RASEF: variants seen among roughly 807,000 people sequenced by gnomAD.
The protein encoded by RASEF is RAS and EF-hand domain containing.
Under a neutral mutation model 90.1 loss-of-function variants are expected in RASEF, and 68 were observed. The ratio of observed to expected loss-of-function variants is 0.75; its 90% CI spans 0.62 to 0.92. The LOEUF (loss-of-function observed/expected upper bound fraction) is 0.92, where lower values mean the gene tolerates loss of function less well. Among genes scored for constraint, RASEF ranks in the 40% least tolerant of loss-of-function variants. The probability of loss-of-function intolerance (pLI) is 0.00; values close to 1 mark genes in which losing one functional copy is unlikely to be tolerated. For synonymous variants in RASEF, 331 were observed against 345.2 expected (o/e 0.96, Z 0.46); for missense variants, 949 against 937.2 (o/e 1.01, Z -0.16).
the RASEF span, among the ~76,000 whole-genome samples, chr9:83,099,246 TA>T: frequency 6.6e-6 from 1 of 152,228 alleles, no homozygotes; most frequent in Non-Finnish European, 1.5e-5. Flanking sequence ...AGCCCACTTT[TA>T]AAACCTTAAA....
the RASEF span, among the ~76,000 whole-genome samples, chr9:83,155,600 T>C: frequency 6.6e-6 from 1 of 151,838 alleles, no homozygotes; most frequent in Non-Finnish European, 1.5e-5. Context: ...CAGTTCAAGA[T>C]GAGATTTGGG....
chr9:83,032,128 T>C (rs1308017506), intron 1 of RASEF, among the ~76,000 whole-genome samples: 4 of 152,172 alleles, frequency 2.6e-5, no homozygotes, highest in Non-Finnish European at 5.9e-5. Context: ...GCACCATTAC[T>C]TGGTGCCAAG....
chr9:83,081,201 G>A, the RASEF span, among the ~76,000 whole-genome samples: 2 of 151,958 alleles, frequency 1.3e-5, no homozygotes, highest in African/African-American at 4.8e-5. Flanking sequence ...CCTGGACCAG[G>A]GACTCTGCCT....
the RASEF span, among the ~76,000 whole-genome samples, chr9:83,100,599 CT>C: frequency 5.3e-5 from 8 of 152,166 alleles, no homozygotes; most frequent in Non-Finnish European, 1.0e-4. Flanking sequence ...AGTATACCCC[CT>C]CTCCTTCCAT....
At chr9:82,986,652 T>C (rs1044614729) in intron 16 of RASEF, among the ~76,000 whole-genome samples, 1 of 152,230 alleles carries the variant, frequency 6.6e-6, no homozygotes, top group East Asian at 1.9e-4. Context: ...AAATCTACCA[T>C]ACGCTTAACA....
At chr9:83,103,875 C>T in the RASEF span, among the ~76,000 whole-genome samples, 2 of 152,190 alleles carry the variant, frequency 1.3e-5, no homozygotes, top group East Asian at 3.9e-4. Flanking sequence ...CAATAGAATT[C>T]CTAATGGTAA....
At chr9:83,137,338 T>A in the RASEF span, among the ~76,000 whole-genome samples, 1 of 152,278 alleles carries the variant, frequency 6.6e-6, no homozygotes, top group South Asian at 2.1e-4. Context: ...ACATAGTCAC[T>A]GGGTGCAAAA....
intron 1 of RASEF, among the ~76,000 whole-genome samples, chr9:83,047,656 AT>A (rs896028624): frequency 6.6e-6 from 1 of 152,212 alleles, no homozygotes; most frequent in African/African-American, 2.4e-5. Context: ...AGTAGAAAAT[AT>A]TATACAACAA....
the RASEF span, among the ~76,000 whole-genome samples, chr9:83,092,494 C>A: frequency 6.6e-6 from 1 of 151,410 alleles, no homozygotes; most frequent in Non-Finnish European, 1.5e-5. Flanking sequence ...CTTAGGGCGG[C>A]GCGTCTGGAG....
chr9:83,194,304 A>G, the RASEF span, among the ~76,000 whole-genome samples: 1 of 152,092 alleles, frequency 6.6e-6, no homozygotes, highest in South Asian at 2.1e-4. Flanking sequence ...CATGACCTTG[A>G]CACTTTGAGG....
In RASEF at chr9:82,989,222, A is replaced by ATGTG. The variant is rs34304913; in HGVS notation, c.2117+1165_2117+1168dup. Among the ~76,000 whole-genome samples the ATGTG allele has an allele frequency of 5.9e-3, 892 of 151,490 alleles. 5 individuals carry two copies. Among genetic ancestry groups the ATGTG allele is most frequent in the African/African-American group, 0.016 (656 of 41,380 alleles). On this transcript the variant is annotated intron_variant, in intron 16 of 16. Coordinates refer to ENST00000376447, the MANE Select transcript of RASEF (RefSeq NM_152573.4). The stretch of plus-strand genomic sequence containing the variant: ...TGTATATATGTATATGTATGTGTGC[A>ATGTG]TGTGTGCGTGTGTGTGTGTGTGTAT...
At chr9:83,068,716 T>C in the RASEF span, among the ~76,000 whole-genome samples, 1 of 152,314 alleles carries the variant, frequency 6.6e-6, no homozygotes, top group South Asian at 2.1e-4. Flanking sequence ...ACTGAGATGA[T>C]AAATGAGTGG....
In RASEF at chr9:83,062,854, C is replaced by G; in HGVS notation, c.14G>C (p.Gly5Ala). 2.0e-6 allele frequency: 3 copies of G among 1,514,780 alleles called. No individual in the cohort carries two copies. The highest frequency in any genetic ancestry group is 2.9e-5 in the African/African-American group (2 of 69,594). The allele number at this position is 1,514,780 out of a possible 1,614,324, so 93.8% of individuals were successfully genotyped here. A position where few individuals can be genotyped will look rare whatever the true frequency, so the allele number is the denominator to read the frequency against. Reference protein sequence around the residue: MEADGDGEELARLRS... With the variant: MEADADGEELARLRS... ...CAGCCGGGCCAGCTCCTCTCCGTCC[C>G]CATCCGCCTCCATCCCGCCTGGCGG... Residue 5 changes from glycine (G) to alanine (A), a missense_variant, in exon 1 of 17, where the codon GGG (glycine) becomes GCG (alanine). Gly to Ala is a moderately conservative substitution (Grantham distance 60). This residue lies in a region of RASEF where 656 missense variants were observed against 592.2 expected (regional missense o/e 1.11). Coordinates refer to ENST00000376447, the MANE Select transcript of RASEF (RefSeq NM_152573.4).
At chr9:83,188,831 A>G in the RASEF span, among the ~76,000 whole-genome samples, 248 of 152,268 alleles carry the variant, frequency 1.6e-3, 1 homozygote, top group Non-Finnish European at 7.1e-4. Context: ...ACTCTGTGCC[A>G]TCTTATTGGT....
chr9:83,036,322 T>C (rs892153890), intron 1 of RASEF, among the ~76,000 whole-genome samples: 1 of 152,154 alleles, frequency 6.6e-6, no homozygotes, highest in African/African-American at 2.4e-5. Context: ...AGTCAGCCAG[T>C]TGTGCTCCTA....
intron 2 of RASEF, 141 bp from the exon 3 acceptor site, chr9:83,022,567 C>T (rs1829463809): frequency 1.6e-6 from 1 of 644,626 alleles, no homozygotes; most frequent in Non-Finnish European, 2.7e-6. Context: ...CCCATTCCTT[C>T]TACATAATAA....
At chr9:82,995,499 C>A (rs910779132) in intron 14 of RASEF, among the ~76,000 whole-genome samples, 6 of 152,072 alleles carry the variant, frequency 3.9e-5, no homozygotes, top group East Asian at 1.9e-4. Context: ...GGCTGGAGTG[C>A]AGTAGCACAA....
chr9:83,070,487 A>G, the RASEF span, among the ~76,000 whole-genome samples: 3 of 152,190 alleles, frequency 2.0e-5, no homozygotes, highest in South Asian at 2.1e-4. Context: ...CTTTTCATCT[A>G]TTCTTTCACC....
At chr9:83,209,573 C>T in the RASEF span, among the ~76,000 whole-genome samples, 1 of 152,342 alleles carries the variant, frequency 6.6e-6, no homozygotes, top group Non-Finnish European at 1.5e-5. Flanking sequence ...TGCTGCAAGT[C>T]ATTGGAGAAT....
Sources: gnomAD v4.1 joint callset for allele counts (sites outside exome capture counted in the v4.1 genomes callset) on GRCh38, gnomAD v4.1.1 for gene constraint, gnomAD v4.1.1 regional missense constraint, MANE v1.5 for transcripts, NCBI Gene and HGNC (gene_info 2026-07-23, HGNC 2026-07-21) for gene names.